CADPS: variants seen among roughly 807,000 people sequenced by gnomAD.
The protein encoded by CADPS is calcium dependent secretion activator, also known as calcium-dependent secretion activator 1.
CADPS carries 57 observed loss-of-function variants against 167.3 expected under a neutral mutation model. That is an observed-to-expected ratio of 0.34 (90% CI 0.28 to 0.42). The LOEUF (loss-of-function observed/expected upper bound fraction) is 0.42. Ranked by LOEUF, CADPS falls within the 20% of genes least tolerant of loss-of-function variation. The pLI is 1.00. For missense variants in CADPS, 1,414 were observed against 1,738.1 expected (o/e 0.81, Z 3.32); for synonymous variants, 676 against 635.3 (o/e 1.06, Z -0.96).
At chr3:62,557,800 A>G (rs2152336788) in intron 9 of CADPS, among the ~76,000 whole-genome samples, 1 of 152,320 alleles carries the variant, frequency 6.6e-6, no homozygotes, top group African/African-American at 2.4e-5. Context: ...GGCACTTAGT[A>G]AGTACTTGAT....
At chr3:62,836,204 T>C (rs936872305) in intron 1 of CADPS, among the ~76,000 whole-genome samples, 1 of 152,198 alleles carries the variant, frequency 6.6e-6, no homozygotes, top group African/African-American at 2.4e-5. Context: ...AATATGAACT[T>C]TGAAGAGAAA....
chr3:62,416,807 A>T (rs1311743791), intron 28 of CADPS, among the ~76,000 whole-genome samples: 4 of 152,136 alleles, frequency 2.6e-5, no homozygotes, highest in African/African-American at 9.7e-5. Flanking sequence ...ACAGGACAAA[A>T]TGACTACTCA....
intron 17 of CADPS, among the ~76,000 whole-genome samples, chr3:62,512,006 A>G (rs966112678): frequency 6.6e-6 from 1 of 152,180 alleles, no homozygotes; most frequent in Non-Finnish European, 1.5e-5. Flanking sequence ...TTGCAGCCCT[A>G]TGCTTGGAAT....
chr3:62,597,479 A>C (rs548582676), intron 6 of CADPS, among the ~76,000 whole-genome samples: 11 of 152,358 alleles, frequency 7.2e-5, no homozygotes, highest in African/African-American at 2.6e-4. Flanking sequence ...ACTAAGCCAC[A>C]AAGAGAACTT....
chr3:62,820,033 A>G (rs2094825566), intron 1 of CADPS, among the ~76,000 whole-genome samples: 1 of 151,554 alleles, frequency 6.6e-6, no homozygotes. Flanking sequence ...ATGTGTGCAC[A>G]CACACACACA....
intron 4 of CADPS, among the ~76,000 whole-genome samples, chr3:62,656,046 C>T (rs2071480454): frequency 6.6e-6 from 1 of 152,138 alleles, no homozygotes; most frequent in Non-Finnish European, 1.5e-5. Context: ...TAAGTTTGGA[C>T]AGATTTCTTC....
chr3:62,744,497 T>C (rs961612153), intron 3 of CADPS, among the ~76,000 whole-genome samples: 1 of 152,110 alleles, frequency 6.6e-6, no homozygotes, highest in African/African-American at 2.4e-5. Flanking sequence ...AGAAGAAAAA[T>C]TCAAATTATT....
intron 17 of CADPS, among the ~76,000 whole-genome samples, chr3:62,500,822 C>T (rs1315740740): frequency 6.6e-6 from 1 of 152,090 alleles, no homozygotes; most frequent in Non-Finnish European, 1.5e-5. Flanking sequence ...AAAAAAGGTT[C>T]TTAATATTCT....
intron 1 of CADPS, among the ~76,000 whole-genome samples, chr3:62,856,081 G>T (rs2079624657): frequency 6.6e-6 from 1 of 152,046 alleles, no homozygotes; most frequent in Non-Finnish European, 1.5e-5. Flanking sequence ...AAACTAGCTG[G>T]AACACACTTG....
Position 62,433,618 on chromosome 3 carries a change from G to A in CADPS, c.3777+4486C>T, listed in dbSNP as rs184607799. Among the ~76,000 whole-genome samples the A allele has an allele frequency of 5.9e-5, 9 of 152,238 alleles. No individual in the cohort carries two copies. In the South Asian group the frequency reaches 8.3e-4, roughly 14 times the overall value. On this transcript the variant is annotated intron_variant, in intron 28 of 29. Coordinates refer to ENST00000383710, the MANE Select transcript of CADPS (RefSeq NM_003716.4). This position sits in a 1 kb window ranked among gnomAD's most constrained non-coding sequence, Gnocchi z 4.7. ...GCCTGAAGAAAGCCAGTGCGGATGC[G>A]GCATTACTACCAATGTGGATTCCAT...
At chr3:62,732,828 G>C (rs533727909) in intron 3 of CADPS, among the ~76,000 whole-genome samples, 4 of 152,296 alleles carry the variant, frequency 2.6e-5, no homozygotes, top group African/African-American at 9.6e-5. Context: ...ATAATACTCT[G>C]TCAGGCAGTC....
At chr3:62,666,835 G>A (rs1240381789) in intron 3 of CADPS, among the ~76,000 whole-genome samples, 3 of 152,036 alleles carry the variant, frequency 2.0e-5, no homozygotes, top group Non-Finnish European at 4.4e-5. Flanking sequence ...GTTACTGTAG[G>A]GCCAATTTAA....
At chr3:62,657,939 G>T (rs1392040705) in intron 4 of CADPS, among the ~76,000 whole-genome samples, 2 of 152,272 alleles carry the variant, frequency 1.3e-5, no homozygotes, top group Admixed American at 1.3e-4. Context: ...AGAGGATTCT[G>T]AATTCTAGGA....
In CADPS at chr3:62,494,491, C is replaced by G. The variant is rs186349494; in HGVS notation, c.2707-826G>C. 3.3e-5 allele frequency among the ~76,000 whole-genome samples: 5 copies of G among 152,298 alleles called. No homozygotes were observed. In the East Asian group the frequency reaches 7.7e-4, roughly 24 times the overall value. Reference sequence around the variant, plus strand: ...ACTTATTCTTTAGTTATTCAACTAACTTTACATCTTCAGGATGAGTCCAAG... The same window carrying G: ...ACTTATTCTTTAGTTATTCAACTAAGTTTACATCTTCAGGATGAGTCCAAG... On this transcript the variant is annotated intron_variant, in intron 18 of 29. Transcript: ENST00000383710.
At chr3:62,727,509 C>T (rs565818072) in intron 3 of CADPS, among the ~76,000 whole-genome samples, 272 of 152,024 alleles carry the variant, frequency 1.8e-3, no homozygotes, top group Non-Finnish European at 2.9e-3. Flanking sequence ...GCAATAGTCA[C>T]AGACTCTAAA....
chr3:62,660,283 CGTT>C lies in CADPS; in HGVS notation c.969+2028_969+2030del. On this transcript the variant is annotated intron_variant, in intron 4 of 29. Coordinates refer to ENST00000383710, the MANE Select transcript of CADPS (RefSeq NM_003716.4). ...AATACTTTTTAGTTGGGAATATACT[CGTT>C]GTCTAAAATGCAGATGAATGGACCA... is the stretch of plus-strand genomic sequence containing the variant. 1.3e-5 allele frequency among the ~76,000 whole-genome samples: 2 copies of C among 152,210 alleles called. 1 individual carries two copies. The highest frequency in any genetic ancestry group is 4.8e-5 in the African/African-American group (2 of 41,542).
intron 6 of CADPS, among the ~76,000 whole-genome samples, chr3:62,640,858 C>A (rs1350305459): frequency 2.0e-5 from 3 of 152,104 alleles, no homozygotes; most frequent in Non-Finnish European, 4.4e-5. Flanking sequence ...CAGAGGACAA[C>A]TTACATTATA....
intron 1 of CADPS, among the ~76,000 whole-genome samples, chr3:62,865,598 T>G (rs1482648946): frequency 6.6e-6 from 1 of 152,096 alleles, no homozygotes; most frequent in African/African-American, 2.4e-5. Flanking sequence ...TAATTCAATT[T>G]ATTTTCAAAC....
Position 62,695,049 on chromosome 3 carries a change from G to A in CADPS, c.889-32655C>T, listed in dbSNP as rs187803923. ...GAGCTCTGCTGGTTTCCACATCTTA[G>A]TTTTTCCTTCCACTCATTATATTAT... On this transcript the variant is annotated intron_variant, in intron 3 of 29. Transcript: ENST00000383710. Among the ~76,000 whole-genome samples, 447 of 152,080 alleles carry A rather than the reference G, an allele frequency of 2.9e-3. 2 individuals carry two copies. The highest frequency in any genetic ancestry group is 4.6e-3 in the Non-Finnish European group (316 of 68,010).
Sources: allele counts gnomAD v4.1 joint callset (sites outside exome capture counted in the v4.1 genomes callset), GRCh38; gene constraint gnomAD v4.1.1; non-coding constraint Gnocchi (gnomAD v3.1); transcripts MANE v1.5; gene names NCBI Gene and HGNC (gene_info 2026-07-23, HGNC 2026-07-21).